The following C12orf54 variants were observed in gnomAD, a reference collection of about 807,000 sequenced individuals.
The protein encoded by C12orf54 is chromosome 12 open reading frame 54, also known as uncharacterized protein C12orf54.
In C12orf54, 24 loss-of-function variants were observed where a neutral mutation model predicts 26.4. That is an observed-to-expected ratio of 0.91 (90% CI 0.66 to 1.28). The LOEUF (loss-of-function observed/expected upper bound fraction) is 1.28. C12orf54 is among the 50% of genes most tolerant of loss of function. C12orf54 has a pLI of 0.00. For missense variants in C12orf54, 154 were observed against 150.9 expected (o/e 1.02, Z -0.11); for synonymous variants, 54 against 47.0 (o/e 1.15, Z -0.61).
the C12orf54 span, chr12:48,472,836 G>T: frequency 5.0e-6 from 8 of 1,614,086 alleles, no homozygotes; most frequent in Non-Finnish European, 6.8e-6. Context: ...CACCTCAATT[G>T]CAAACTTGCC....
chr12:48,481,847 C>T (rs1337115190), upstream of C12orf54, among the ~76,000 whole-genome samples: 1 of 152,170 alleles, frequency 6.6e-6, no homozygotes, highest in Non-Finnish European at 1.5e-5. Context: ...AGTGCTCTCT[C>T]TGAGGCTGCT....
chr12:48,444,821 A>G, the C12orf54 span, among the ~76,000 whole-genome samples: 31 of 152,342 alleles, frequency 2.0e-4, no homozygotes, highest in East Asian at 3.9e-3. Flanking sequence ...AATGAGACAT[A>G]CAAAAGTATC....
At chr12:48,493,217 C>G (rs552881241) in intron 7 of C12orf54, among the ~76,000 whole-genome samples, 7 of 152,260 alleles carry the variant, frequency 4.6e-5, no homozygotes, top group Non-Finnish European at 8.8e-5. Context: ...CCTGAAATCT[C>G]AGAATCAGCC....
intron 6 of C12orf54, among the ~76,000 whole-genome samples, chr12:48,491,623 G>A (rs564965219): frequency 6.6e-6 from 1 of 152,198 alleles, no homozygotes; most frequent in South Asian, 2.1e-4. Flanking sequence ...CTGGCACAGG[G>A]ATAGAATGGC....
the C12orf54 span, among the ~76,000 whole-genome samples, chr12:48,462,489 A>T: frequency 6.6e-6 from 1 of 151,670 alleles, no homozygotes; most frequent in South Asian, 2.1e-4. Context: ...AAAAATTTTA[A>T]TAAAATTTTA....
intron 7 of C12orf54, among the ~76,000 whole-genome samples, chr12:48,494,389 C>T (rs1029024004): frequency 6.6e-6 from 1 of 152,024 alleles, no homozygotes; most frequent in Non-Finnish European, 1.5e-5. Context: ...TTAACTTGCT[C>T]AGTGCTGAAA....
At chr12:48,421,607 G>A in the C12orf54 span, among the ~76,000 whole-genome samples, 3 of 132,074 alleles carry the variant, frequency 2.3e-5, no homozygotes, top group Non-Finnish European at 3.1e-5. Context: ...TCAGCTCACT[G>A]CAACCTCCAC....
the C12orf54 span, among the ~76,000 whole-genome samples, chr12:48,439,734 C>G: frequency 6.6e-6 from 1 of 152,008 alleles, no homozygotes; most frequent in Non-Finnish European, 1.5e-5. Context: ...ACATCACACA[C>G]CGGGGCCTGT....
chr12:48,419,248 G>T, the C12orf54 span, among the ~76,000 whole-genome samples: 1 of 152,106 alleles, frequency 6.6e-6, no homozygotes, highest in Non-Finnish European at 1.5e-5. Flanking sequence ...AATAAACATG[G>T]CCTTGAAGAC....
chr12:48,416,731 G>A, the C12orf54 span, among the ~76,000 whole-genome samples: 5 of 151,968 alleles, frequency 3.3e-5, no homozygotes, highest in African/African-American at 7.3e-5. Flanking sequence ...GCATGGTGGC[G>A]GGCATCTGTA....
chr12:48,415,435 GT>G, the C12orf54 span, among the ~76,000 whole-genome samples: 2 of 152,114 alleles, frequency 1.3e-5, no homozygotes, highest in Non-Finnish European at 2.9e-5. Context: ...TAAATCCAAT[GT>G]TACAAAATCC....
At chr12:48,437,990 A>G in the C12orf54 span, among the ~76,000 whole-genome samples, 5 of 152,342 alleles carry the variant, frequency 3.3e-5, no homozygotes, top group East Asian at 5.8e-4. Flanking sequence ...ATATGATTGT[A>G]TACCTAGAAA....
chr12:48,472,023 A>C, the C12orf54 span, among the ~76,000 whole-genome samples: 3 of 152,140 alleles, frequency 2.0e-5, no homozygotes, highest in Non-Finnish European at 4.4e-5. Context: ...TTCTTTGAGC[A>C]GTGATTTGTA....
At chr12:48,486,852 C>A in intron 4 of C12orf54, 126 bp downstream of exon 4, 1 of 894,132 alleles carries the variant, frequency 1.1e-6, no homozygotes, top group Non-Finnish European at 1.8e-6. Context: ...AGGATCAACA[C>A]GCTCCCTCCC....
chr12:48,495,882 C>G (rs1485198659), intron 8 of C12orf54, among the ~76,000 whole-genome samples: 1 of 152,194 alleles, frequency 6.6e-6, no homozygotes. Context: ...CACAAAACCT[C>G]TATTAAAACC....
At chr12:48,492,196 C>T (rs1177946148) in intron 6 of C12orf54, among the ~76,000 whole-genome samples, 1 of 152,118 alleles carries the variant, frequency 6.6e-6, no homozygotes, top group Admixed American at 6.5e-5. Flanking sequence ...AAACGGAGTT[C>T]GTTAAGGGTA....
the C12orf54 span, among the ~76,000 whole-genome samples, chr12:48,457,696 C>T: frequency 7.9e-5 from 12 of 152,150 alleles, no homozygotes; most frequent in South Asian, 1.4e-3. Flanking sequence ...AAGTCAGCTT[C>T]GGCTTCGGTG....
At chr12:48,461,779 C>T in the C12orf54 span, among the ~76,000 whole-genome samples, 2 of 151,842 alleles carry the variant, frequency 1.3e-5, no homozygotes, top group African/African-American at 4.8e-5. Context: ...GATTAAATGT[C>T]TGCATAAGAA....
At chr12:48,478,400 C>G (rs1194398910), upstream of C12orf54, among the ~76,000 whole-genome samples, 1 of 152,122 alleles carries the variant, frequency 6.6e-6, no homozygotes, top group African/African-American at 2.4e-5. Context: ...CTGGCCAGGG[C>G]AATCAGGCAG....
Sources: allele counts gnomAD v4.1 joint callset (sites outside exome capture counted in the v4.1 genomes callset), GRCh38; gene constraint gnomAD v4.1.1; transcripts MANE v1.5; gene names NCBI Gene and HGNC (gene_info 2026-07-23, HGNC 2026-07-21).